GBE1: variants seen among roughly 807,000 people sequenced by gnomAD.
The protein encoded by GBE1 is 1,4-alpha-glucan branching enzyme 1.
A neutral mutation model predicts 88.8 loss-of-function variants in GBE1; 70 were observed. That is an observed-to-expected ratio of 0.79 (90% confidence interval 0.65 to 0.96). The LOEUF (loss-of-function observed/expected upper bound fraction) is 0.96, where lower values mean the gene tolerates loss of function less well. Among genes scored for constraint, GBE1 ranks in the 40% least tolerant of loss-of-function variants. GBE1 has a pLI of 0.00. For synonymous variants in GBE1, 284 were observed against 300.1 expected, an observed-to-expected ratio of 0.95 and a Z score of 0.56; for missense variants, 872 against 871.0, an observed-to-expected ratio of 1.00 and a Z score of -0.01.
At position 81,761,500 on chromosome 3, in the gene GBE1, A is replaced by G. The variant is rs2107250932; in HGVS notation, c.18T>C (p.Thr6=). Reference sequence around the variant, plus strand: ...CGTAGTCCTCGGGCCGAGCCGCGGGAGTCATCGGAGCCGCCATATTCCGCC... The same window carrying G: ...CGTAGTCCTCGGGCCGAGCCGCGGGGGTCATCGGAGCCGCCATATTCCGCC... MAAPM[T]PAARPEDYEA... The change falls in exon 1 of 16, where the codon ACT becomes ACC. Residue 6 remains threonine, a synonymous_variant. Coordinates refer to ENST00000429644, the MANE Select transcript of GBE1 (RefSeq NM_000158.4). The G allele has an allele frequency of 6.2e-7, 1 of 1,606,724 alleles. No individual in the cohort carries two copies. The highest frequency in any genetic ancestry group is 1.1e-5 in the South Asian group (1 of 90,652).
chr3:81,706,618 G>A (rs931941641), intron 1 of GBE1, among the ~76,000 whole-genome samples: 9 of 152,238 alleles, frequency 5.9e-5, no homozygotes, highest in Admixed American at 1.3e-4. Flanking sequence ...GGCAGGAATC[G>A]AGGCACGGGA....
rs554380868 is a variant in GBE1, at chr3:81,755,530, T to C, written c.143+5845A>G. The stretch of plus-strand genomic sequence containing the variant: ...AAAGATATCTGCACTCCCATGTTTA[T>C]TGCAGCCCTATTCACAATAGCTAAA... On this transcript the variant is annotated intron_variant, in intron 1 of 15. Coordinates refer to ENST00000429644, the MANE Select transcript of GBE1 (RefSeq NM_000158.4). Among the ~76,000 whole-genome samples, 21 of 152,340 alleles carry C rather than the reference T, an allele frequency of 1.4e-4. 1 individual carries two copies. The South Asian group carries it at 2.7e-3, about 20-fold the overall frequency.
Position 81,547,209 on chromosome 3 carries a change from CAGAAAAAG to C in GBE1, c.1619-10122_1619-10115del, listed in dbSNP as rs1199455726. Among the ~76,000 whole-genome samples, 2 of 151,384 alleles carry C rather than the reference CAGAAAAAG, an allele frequency of 1.3e-5. 1 individual carries two copies. The highest frequency in any genetic ancestry group is 3.0e-5 in the Non-Finnish European group (2 of 67,594). Reference sequence around the variant, plus strand: ...CTAAGACAGATTTAAAGGCTCCTCTCAGAAAAAGGCAAGGACGCTTGACTGAACTTGGG... The same window carrying C: ...CTAAGACAGATTTAAAGGCTCCTCTCGCAAGGACGCTTGACTGAACTTGGG... On this transcript the variant is annotated intron_variant, in intron 12 of 15. Transcript: ENST00000429644.
intron 2 of GBE1, among the ~76,000 whole-genome samples, chr3:81,683,005 AT>A (rs1187932052): frequency 6.6e-6 from 1 of 152,170 alleles, no homozygotes; most frequent in African/African-American, 2.4e-5. Context: ...AACACATATT[AT>A]ATGATACCAT....
At chr3:81,499,066 G>C in intron 15 of GBE1, 44 bp downstream of exon 15, 1 of 979,066 alleles carries the variant, frequency 1.0e-6, no homozygotes. Flanking sequence ...TATAATAAAA[G>C]AGTAAATTAA....
intron 14 of GBE1, among the ~76,000 whole-genome samples, chr3:81,517,295 C>T (rs1015932533): frequency 1.3e-5 from 2 of 151,538 alleles, no homozygotes; most frequent in African/African-American, 4.8e-5. Flanking sequence ...TGACCATTAA[C>T]ATCTTTTAGC....
chr3:81,708,024 G>A (rs1348251776), intron 1 of GBE1, among the ~76,000 whole-genome samples: 1 of 151,908 alleles, frequency 6.6e-6, no homozygotes, highest in Non-Finnish European at 1.5e-5. Flanking sequence ...TTTAAAAAAT[G>A]AAGTACAGTT....
chr3:81,553,217 G>C (rs1472255082), intron 12 of GBE1, among the ~76,000 whole-genome samples: 2 of 152,116 alleles, frequency 1.3e-5, no homozygotes, highest in Admixed American at 6.5e-5. Flanking sequence ...TGCATATGCT[G>C]CTACTATTGG....
chr3:81,616,883 A>T (rs1158154286), intron 7 of GBE1, among the ~76,000 whole-genome samples: 1 of 152,022 alleles, frequency 6.6e-6, no homozygotes, highest in African/African-American at 2.4e-5. Context: ...TATAGTTTTC[A>T]TTATACATTC....
chr3:81,597,482 A>AATATATATAT (rs60557493), intron 7 of GBE1, among the ~76,000 whole-genome samples: 5 of 137,786 alleles, frequency 3.6e-5, no homozygotes, highest in South Asian at 2.3e-4. Flanking sequence ...TATATCTCAA[A>AATATATATAT]ATATATATAT....
At chr3:81,592,471 T>C (rs1301094569) in intron 8 of GBE1, among the ~76,000 whole-genome samples, 1 of 152,134 alleles carries the variant, frequency 6.6e-6, no homozygotes, top group Non-Finnish European at 1.5e-5. Context: ...TTTCCCTTTA[T>C]TACTGAGTTT....
intron 7 of GBE1, among the ~76,000 whole-genome samples, chr3:81,624,196 G>T (rs910194292): frequency 6.6e-6 from 1 of 152,114 alleles, no homozygotes; most frequent in Non-Finnish European, 1.5e-5. Context: ...AGGAGGACAA[G>T]CCCCTTATAA....
chr3:81,506,969 T>C (rs1423351382), intron 14 of GBE1, among the ~76,000 whole-genome samples: 1 of 152,070 alleles, frequency 6.6e-6, no homozygotes, highest in African/African-American at 2.4e-5. Flanking sequence ...TAATGGGTAC[T>C]AGGCTTAATA....
intron 1 of GBE1, among the ~76,000 whole-genome samples, chr3:81,755,741 C>T (rs530384602): frequency 6.1e-4 from 93 of 152,158 alleles, no homozygotes; most frequent in Admixed American, 4.1e-3. Flanking sequence ...ATATCACATG[C>T]TCTCACTCAT....
intron 14 of GBE1, among the ~76,000 whole-genome samples, chr3:81,505,358 G>A (rs186375055): frequency 3.3e-5 from 5 of 152,314 alleles, no homozygotes; most frequent in Admixed American, 1.3e-4. Flanking sequence ...GGTAGGGTAA[G>A]AACAGTTGCT....
chr3:81,526,473 C>G (rs1156842222), intron 14 of GBE1, among the ~76,000 whole-genome samples: 2 of 152,018 alleles, frequency 1.3e-5, no homozygotes, highest in South Asian at 2.1e-4. Flanking sequence ...TAGAAAACCC[C>G]ATTGTCTCAG....
intron 10 of GBE1, 66 bp downstream of exon 10, chr3:81,586,026 T>A: frequency 1.1e-6 from 1 of 887,976 alleles, no homozygotes; most frequent in Non-Finnish European, 1.8e-6. Context: ...AACTAAGAAA[T>A]AAATTAAAGA....
At chr3:81,628,691 C>G (rs1704454714) in intron 7 of GBE1, among the ~76,000 whole-genome samples, 1 of 140,078 alleles carries the variant, frequency 7.1e-6, no homozygotes, top group Non-Finnish European at 1.5e-5. Context: ...TTCTACCCAT[C>G]ATTTAAGCAA....
chr3:81,702,078 C>A (rs1425926543), intron 2 of GBE1, among the ~76,000 whole-genome samples: 2 of 136,106 alleles, frequency 1.5e-5, no homozygotes, highest in Non-Finnish European at 3.2e-5. Context: ...AATACAGAAT[C>A]CCTGGAGAGA....
Sources: allele counts gnomAD v4.1 joint callset (sites outside exome capture counted in the v4.1 genomes callset), GRCh38; gene constraint gnomAD v4.1.1; transcripts MANE v1.5; gene names NCBI Gene and HGNC (gene_info 2026-07-23, HGNC 2026-07-21).